Variants in FBN2 observed in about 807,000 individuals in gnomAD.
The protein encoded by FBN2 is fibrillin-2.
Under a neutral mutation model 355.6 loss-of-function variants are expected in FBN2, and 105 were observed. The observed-to-expected ratio is 0.30, with a 90% CI of 0.25 to 0.35. The LOEUF is 0.35. Among genes scored for constraint, FBN2 ranks in the 10% least tolerant of loss-of-function variants. The pLI is 1.00. For missense variants in FBN2, 3,280 were observed against 3,758.7 expected (o/e 0.87, Z 3.33); for synonymous variants, 1,350 against 1,301.2 (o/e 1.04, Z -0.81).
intron 7 of FBN2, among the ~76,000 whole-genome samples, chr5:128,426,737 T>A (rs1407384418): frequency 6.6e-6 from 1 of 152,194 alleles, no homozygotes; most frequent in Non-Finnish European, 1.5e-5. Flanking sequence ...CTTCTATCTT[T>A]CCAGTCCTTT....
At position 128,537,384 on chromosome 5, in the gene FBN2, C is replaced by G; in HGVS notation, c.220G>C (p.Val74Leu). The G allele has an allele frequency of 6.2e-7, 1 of 1,610,380 alleles. No individual in the cohort carries two copies. The highest frequency in any genetic ancestry group is 8.5e-7 in the Non-Finnish European group (1 of 1,179,652). The stretch of plus-strand genomic sequence containing the variant: ...ACGTCCTGCTGTCCTCGCCGGCGGA[C>G]GCGGCTGGCCACTGCGGCACCCTCC... Reference protein sequence around the residue: ...REEGAAVASRVRRRGQQDVLR... With the variant: ...REEGAAVASRLRRRGQQDVLR... The change falls in exon 1 of 65, where the codon GTC becomes CTC. Residue 74 changes from valine (V) to leucine (L), a missense_variant. This residue lies in a region of FBN2 where 203 missense variants were observed against 142.2 expected (regional missense o/e 1.43). Transcript: ENST00000262464.
At chr5:128,268,067 C>T (rs141462216) in intron 62 of FBN2, among the ~76,000 whole-genome samples, 3,821 of 151,858 alleles carry the variant, frequency 0.025, 70 homozygotes, top group Admixed American at 0.045. Flanking sequence ...CATGAAAAAC[C>T]CTCCAAAAAA....
At chr5:128,285,790 G>GT (rs1203799880) in intron 55 of FBN2, among the ~76,000 whole-genome samples, 1 of 152,102 alleles carries the variant, frequency 6.6e-6, no homozygotes, top group African/African-American at 2.4e-5. Context: ...ATCTTTAAAT[G>GT]TAATAAAGAT....
At chr5:128,367,046 T>C (rs1293613986) in intron 16 of FBN2, among the ~76,000 whole-genome samples, 2 of 152,192 alleles carry the variant, frequency 1.3e-5, no homozygotes, top group Non-Finnish European at 2.9e-5. Context: ...CTCAGTTACA[T>C]AGAGGTATCA....
intron 16 of FBN2, among the ~76,000 whole-genome samples, chr5:128,367,784 G>C (rs1015877650): frequency 6.6e-6 from 1 of 151,566 alleles, no homozygotes; most frequent in Non-Finnish European, 1.5e-5. Context: ...TTTTTGTCTA[G>C]TCTTATGCCA....
rs1487696271 is a variant in FBN2, at chr5:128,507,630, T to C, written c.628+11643A>G. Reference sequence around the variant, plus strand: ...CTTAATTGAGCTTTGGCGATATATGTCTTTCAAGAAATTATTTACCTTATT... The same window carrying C: ...CTTAATTGAGCTTTGGCGATATATGCCTTTCAAGAAATTATTTACCTTATT... On this transcript the variant is annotated intron_variant, in intron 5 of 64. Coordinates refer to ENST00000262464, the MANE Select transcript of FBN2 (RefSeq NM_001999.4). Among the ~76,000 whole-genome samples, 5 of 152,100 alleles carry C rather than the reference T, an allele frequency of 3.3e-5. No homozygotes were observed. The South Asian group carries it at 1.0e-3, about 32-fold the overall frequency.
intron 55 of FBN2, among the ~76,000 whole-genome samples, chr5:128,283,634 A>C (rs912810092): frequency 4.6e-5 from 7 of 152,180 alleles, no homozygotes; most frequent in African/African-American, 1.4e-4. Flanking sequence ...TGGTGTTCTC[A>C]GTCAATCCCA....
At position 128,305,839 on chromosome 5, in the gene FBN2, C is replaced by A. The variant is rs1749856385; in HGVS notation, c.5532G>T (p.Leu1844=). 1 of 1,613,872 alleles carries A rather than the reference C, an allele frequency of 6.2e-7. No individual in the cohort carries two copies. The highest frequency in any genetic ancestry group is 1.3e-5 in the African/African-American group (1 of 74,912). ...TCAGATTACCTTCACAAACCAACAG[C>A]AGGTCATTGTAACTGAATCCTGTAG... ...ECPTGFSYND[L]LLVCEDIDEC... is the part of the protein sequence containing the mutation. Residue 1844 remains leucine, a synonymous_variant, in exon 43 of 65, where the codon CTG becomes CTT. Coordinates refer to ENST00000262464, the MANE Select transcript of FBN2 (RefSeq NM_001999.4).
intron 45 of FBN2, among the ~76,000 whole-genome samples, chr5:128,304,468 A>G (rs923514207): frequency 6.6e-6 from 1 of 152,260 alleles, no homozygotes; most frequent in Non-Finnish European, 1.5e-5. Context: ...TTAAGGGATA[A>G]AACACAAAAT....
chr5:128,390,426 A>G (rs982732452), intron 11 of FBN2, among the ~76,000 whole-genome samples: 5 of 152,130 alleles, frequency 3.3e-5, no homozygotes, highest in African/African-American at 4.8e-5. Context: ...GAGCAATGAT[A>G]GTTGCTTAGC....
intron 6 of FBN2, among the ~76,000 whole-genome samples, chr5:128,463,449 T>C (rs972148515): frequency 6.6e-6 from 1 of 152,110 alleles, no homozygotes; most frequent in Admixed American, 6.5e-5. Flanking sequence ...CTTTCATATG[T>C]GATTAAATAT....
Position 128,316,056 on chromosome 5 carries a change from G to A in FBN2, c.4717+2093C>T, listed in dbSNP as rs1333373744. 3.3e-5 allele frequency among the ~76,000 whole-genome samples: 5 copies of A among 152,132 alleles called. No homozygotes were observed. In the East Asian group the frequency reaches 9.6e-4, roughly 29 times the overall value. ...CTTTGCCAAAAATTATGGCCAGTAA[G>A]TAAAAACTTCTAAATTCTCAACTGT... On this transcript the variant is annotated intron_variant, in intron 36 of 64. Coordinates refer to ENST00000262464, the MANE Select transcript of FBN2 (RefSeq NM_001999.4).
intron 48 of FBN2, among the ~76,000 whole-genome samples, chr5:128,299,056 G>T (rs1749626026): frequency 1.3e-5 from 2 of 152,142 alleles, no homozygotes; most frequent in South Asian, 4.1e-4. Context: ...CTAACAGACA[G>T]GACCCTCAGC....
intron 4 of FBN2, among the ~76,000 whole-genome samples, chr5:128,523,837 A>G (rs1227526146): frequency 2.6e-5 from 4 of 152,030 alleles, no homozygotes; most frequent in Non-Finnish European, 5.9e-5. Flanking sequence ...TACAAGCTCA[A>G]TACAACCACT....
intron 11 of FBN2, among the ~76,000 whole-genome samples, chr5:128,381,886 T>C (rs923258150): frequency 2.0e-5 from 3 of 152,128 alleles, no homozygotes; most frequent in African/African-American, 7.2e-5. Context: ...CCTAATTTAA[T>C]AACTCTGATC....
chr5:128,300,858 A>G lies in FBN2; in HGVS notation c.6125T>C (p.Ile2042Thr). 2 of 1,614,058 alleles carry G rather than the reference A, an allele frequency of 1.2e-6. No homozygotes were observed. Among genetic ancestry groups the G allele is most frequent in the Non-Finnish European group, 1.7e-6 (2 of 1,179,910 alleles). The part of the protein sequence containing the change: ...CQNLEGSFRC[I>T]CPPGYEVKSE... ...TTTTACTTCATACCCTGGGGGACAG[A>G]TGCATCTGAAGGATCCCTCCAAATT... Residue 2042 changes from isoleucine (I) to threonine (T), a missense_variant, in exon 48 of 65, where the codon ATC becomes ACC. This residue lies in a region of FBN2 where 2,284 missense variants were observed against 2,749.5 expected (regional missense o/e 0.83). Transcript: ENST00000262464.
intron 39 of FBN2, among the ~76,000 whole-genome samples, chr5:128,310,384 ATATATATATATATATATAT>A (rs1315286250): frequency 1.5e-4 from 2 of 13,412 alleles, no homozygotes; most frequent in Admixed American, 8.1e-4. Context: ...ATATATATAT[ATATATATATATATATATAT>A]TTTTTTTTTT....
intron 6 of FBN2, among the ~76,000 whole-genome samples, chr5:128,450,163 A>G (rs894765927): frequency 6.6e-6 from 1 of 152,116 alleles, no homozygotes; most frequent in Admixed American, 6.5e-5. Flanking sequence ...TTAGACTTGA[A>G]CCATATTTTC....
chr5:128,289,525 G>A (rs1330770247), intron 51 of FBN2, among the ~76,000 whole-genome samples: 1 of 152,060 alleles, frequency 6.6e-6, no homozygotes, highest in Non-Finnish European at 1.5e-5. Flanking sequence ...GGAAGTGGAG[G>A]TTGCAGTCAG....
Sources: gnomAD v4.1 joint callset for allele counts (sites outside exome capture counted in the v4.1 genomes callset) on GRCh38, gnomAD v4.1.1 for gene constraint, gnomAD v4.1.1 regional missense constraint, MANE v1.5 for transcripts, NCBI Gene and HGNC (gene_info 2026-07-23, HGNC 2026-07-21) for gene names.